Variants in DNAI4 observed in about 807,000 individuals in gnomAD.
DNAI4 encodes WD repeat domain 78.
In DNAI4, 85 loss-of-function variants were observed where a neutral mutation model predicts 105.8. The observed-to-expected ratio is 0.80, with a 90% CI of 0.67 to 0.96. DNAI4 has a LOEUF of 0.96. Ranked by LOEUF, DNAI4 falls within the 40% of genes least tolerant of loss-of-function variation. DNAI4 has a pLI of 0.00. For missense variants in DNAI4, 1,014 were observed against 1,005.6 expected (o/e 1.01, Z -0.11); for synonymous variants, 352 against 331.5 (o/e 1.06, Z -0.67).
chr1:66,866,807 TG>T (rs1646744243), intron 6 of DNAI4, among the ~76,000 whole-genome samples: 1 of 152,232 alleles, frequency 6.6e-6, no homozygotes, highest in African/African-American at 2.4e-5. Context: ...TCCATTTTCA[TG>T]TGGCTATGAG....
intron 6 of DNAI4, among the ~76,000 whole-genome samples, chr1:66,864,833 T>A (rs1646698786): frequency 6.6e-6 from 1 of 151,700 alleles, no homozygotes; most frequent in South Asian, 2.1e-4. Flanking sequence ...AAAGCGAGAC[T>A]CTGTCTCAAA....
chr1:66,905,831 G>A (rs940384037), intron 1 of DNAI4, among the ~76,000 whole-genome samples: 1 of 151,986 alleles, frequency 6.6e-6, no homozygotes, highest in African/African-American at 2.4e-5. Context: ...GCACACATGA[G>A]TGTGTAGTGC....
intron 7 of DNAI4, 85 bp from the exon 8 acceptor site, chr1:66,847,763 C>T (rs1646309648): frequency 3.6e-6 from 4 of 1,117,836 alleles, no homozygotes; most frequent in Non-Finnish European, 5.0e-6. Context: ...GACATTTCAT[C>T]ATTTGTATTT....
In DNAI4 at chr1:66,862,209, C is replaced by T. The variant is rs1223896053; in HGVS notation, c.1034G>A (p.Ser345Asn). 1.2e-6 allele frequency: 2 copies of T among 1,607,948 alleles called. No individual in the cohort carries two copies. Among genetic ancestry groups the T allele is most frequent in the Non-Finnish European group, 8.5e-7 (1 of 1,177,844 alleles). Residue 345 changes from serine to asparagine, a missense_variant, in exon 7 of 17, where the codon AGT becomes AAT. Physicochemically the swap from Ser to Asn is conservative, Grantham distance 46. Transcript: ENST00000371026. The part of the protein sequence containing the change: ...SVKQSVVESS[S>N]KANVLPKDQD... ...ATCTTTAGGAAGTACATTTGCTTTA[C>T]TACTTGACTCAACCACAGATTGTTT...
intron 15 of DNAI4, among the ~76,000 whole-genome samples, chr1:66,824,574 T>G (rs951549963): frequency 1.3e-5 from 2 of 151,692 alleles, no homozygotes; most frequent in Admixed American, 6.6e-5. Context: ...TTGTATCCTC[T>G]TTTATTTCCT....
At chr1:66,908,205 G>C (rs1227059934) in intron 1 of DNAI4, among the ~76,000 whole-genome samples, 2 of 152,090 alleles carry the variant, frequency 1.3e-5, no homozygotes, top group Non-Finnish European at 2.9e-5. Flanking sequence ...TGACCTACAT[G>C]CATGGGTCAA....
At chr1:66,845,210 G>GAAAAAAAAAAAAAAAAAAAAAAAA (rs1557918709) in intron 8 of DNAI4, among the ~76,000 whole-genome samples, 1 of 21,620 alleles carries the variant, frequency 4.6e-5, no homozygotes, top group Admixed American at 6.1e-4. Context: ...AAAAAAAAAA[G>GAAAAAAAAAAAAAAAAAAAAAAAA]AAAAATTAAA....
At position 66,887,225 on chromosome 1, in the gene DNAI4, T is replaced by C. The variant is rs140261698; in HGVS notation, c.643+3929A>G. 1.3e-3 allele frequency among the ~76,000 whole-genome samples: 200 copies of C among 152,358 alleles called. 3 individuals are homozygous for C. The highest frequency in any genetic ancestry group is 4.4e-3 in the African/African-American group (183 of 41,586). On this transcript the variant is annotated intron_variant, in intron 4 of 16. Coordinates refer to ENST00000371026, the MANE Select transcript of DNAI4 (RefSeq NM_024763.5). ...AGCAATTCATGAAAATAATCATTCA[T>C]GTGTTCCTCCAGTTTATGGTAAGTA... is the stretch of plus-strand genomic sequence containing the variant.
intron 4 of DNAI4, among the ~76,000 whole-genome samples, chr1:66,883,601 T>C (rs1388603762): frequency 6.6e-6 from 1 of 152,186 alleles, no homozygotes; most frequent in African/African-American, 2.4e-5. Flanking sequence ...CTTTATTCCT[T>C]TTTTAAAAAG....
chr1:66,878,105 A>G (rs1282886318), intron 4 of DNAI4, among the ~76,000 whole-genome samples: 1 of 152,160 alleles, frequency 6.6e-6, no homozygotes, highest in African/African-American at 2.4e-5. Context: ...TTGAGGGAAG[A>G]ATATCTATAT....
rs529094529 is a variant in DNAI4, at chr1:66,856,459, C to T, written c.1096+5688G>A. Among the ~76,000 whole-genome samples the T allele has an allele frequency of 7.3e-5, 11 of 151,662 alleles. No homozygotes were observed. In the South Asian group the frequency reaches 2.3e-3, roughly 32 times the overall value. On this transcript the variant is annotated intron_variant, in intron 7 of 16. Transcript: ENST00000371026. ...CTGCACTCCAGCCTGGGCGACAGAG[C>T]GAGACTCCGTCTCAAAAAAATAAAA...
intron 1 of DNAI4, among the ~76,000 whole-genome samples, chr1:66,910,342 T>C (rs529668447): frequency 4.5e-4 from 69 of 152,372 alleles, no homozygotes; most frequent in African/African-American, 1.6e-3. Context: ...TAAAAAATCT[T>C]ACATGCATAC....
Position 66,836,250 on chromosome 1 carries a change from GAGAGAGAAAGAAAGAAAGAA to G in DNAI4, c.1582-493_1582-474del, listed in dbSNP as rs1407669736. 4.6e-3 allele frequency among the ~76,000 whole-genome samples: 605 copies of G among 132,098 alleles called. 10 individuals are homozygous for G. The highest frequency in any genetic ancestry group is 6.1e-3 in the Non-Finnish European group (380 of 62,092). 86.7% of individuals were successfully genotyped at this position (132,098 alleles called of 152,430 possible). A position where few individuals can be genotyped will look rare whatever the true frequency, so the allele number is the denominator to read the frequency against. ...AGAGAGAGAGAAAGAAAGAAAGAGAGAGAGAGAAAGAAAGAAAGAAAGAAAGAAAGAAAGAAAGAAAGAAA... is the reference window on the plus strand; with the variant it reads ...AGAGAGAGAGAAAGAAAGAAAGAGAGAGAAAGAAAGAAAGAAAGAAAGAAA... On this transcript the variant is annotated intron_variant, in intron 10 of 16. Transcript: ENST00000371026.
At chr1:66,846,547 C>A (rs1360347679) in intron 8 of DNAI4, among the ~76,000 whole-genome samples, 1 of 152,074 alleles carries the variant, frequency 6.6e-6, no homozygotes, top group Non-Finnish European at 1.5e-5. Context: ...CCAGATAAGT[C>A]TAAATATAGC....
chr1:66,888,151 G>A (rs1247547845), intron 4 of DNAI4, among the ~76,000 whole-genome samples: 1 of 151,992 alleles, frequency 6.6e-6, no homozygotes, highest in Non-Finnish European at 1.5e-5. Flanking sequence ...ATGTTTCCTT[G>A]CCACCTGTGT....
chr1:66,862,260 G>T lies in DNAI4; in HGVS notation c.983C>A (p.Ala328Asp), dbSNP rs1646642877. 6.2e-7 allele frequency: 1 copy of T among 1,610,254 alleles called. No homozygotes were observed. The highest frequency in any genetic ancestry group is 1.3e-5 in the African/African-American group (1 of 74,700). The change falls in exon 7 of 17, where the codon GCT becomes GAT. Residue 328 changes from alanine to aspartate, a missense_variant. Ala to Asp is a moderately radical substitution (Grantham distance 126). Coordinates refer to ENST00000371026, the MANE Select transcript of DNAI4 (RefSeq NM_024763.5). The stretch of plus-strand genomic sequence containing the variant: ...TACTGATAAAGATACAAGTTCCATA[G>T]CATTGTAAGAATCATACAAATCCCA... ...TAWDLYDSYN[A>D]MELVSLSVKQ...
chr1:66,895,837 A>G (rs1032255387), intron 2 of DNAI4, among the ~76,000 whole-genome samples: 4 of 152,222 alleles, frequency 2.6e-5, no homozygotes, highest in African/African-American at 9.6e-5. Context: ...TTAATGTGGT[A>G]AATTACACTA....
chr1:66,856,031 T>A (rs1646493061), intron 7 of DNAI4, among the ~76,000 whole-genome samples: 1 of 151,522 alleles, frequency 6.6e-6, no homozygotes, highest in Non-Finnish European at 1.5e-5. Flanking sequence ...AGATGGGGTT[T>A]TGCTATGTTG....
At chr1:66,852,909 G>A (rs1369110280) in intron 7 of DNAI4, among the ~76,000 whole-genome samples, 1 of 152,148 alleles carries the variant, frequency 6.6e-6, no homozygotes, top group African/African-American at 2.4e-5. Flanking sequence ...GATACAAGAA[G>A]TTAGCAATCT....
Sources: allele counts gnomAD v4.1 joint callset (sites outside exome capture counted in the v4.1 genomes callset), GRCh38; gene constraint gnomAD v4.1.1; transcripts MANE v1.5; gene names NCBI Gene and HGNC (gene_info 2026-07-23, HGNC 2026-07-21).